Variants in PDCD6 observed in about 807,000 individuals in gnomAD.
PDCD6 encodes programmed cell death 6, also known as programmed cell death protein 6.
Under a neutral mutation model 28.3 loss-of-function variants are expected in PDCD6, and 12 were observed. That is an observed-to-expected ratio of 0.42 (90% confidence interval 0.27 to 0.69). PDCD6 has a LOEUF of 0.69. Ranked by LOEUF, PDCD6 falls within the 30% of genes least tolerant of loss-of-function variation. The pLI, the probability that PDCD6 is intolerant of heterozygous loss-of-function variation, is 0.22. For missense variants in PDCD6, 226 were observed against 269.9 expected, an observed-to-expected ratio of 0.84 and a Z score of 1.14; for synonymous variants, 92 against 108.0, an observed-to-expected ratio of 0.85 and a Z score of 0.92.
intron 2 of PDCD6, among the ~76,000 whole-genome samples, chr5:274,156 C>G (rs2864968): frequency 6.6e-6 from 1 of 152,174 alleles, no homozygotes; most frequent in Admixed American, 6.5e-5. Context: ...TGGTTTGTCA[C>G]CAGGGTGATA....
chr5:302,766 T>C (rs1335929300), intron 2 of PDCD6, among the ~76,000 whole-genome samples: 1 of 147,070 alleles, frequency 6.8e-6, no homozygotes, highest in Non-Finnish European at 1.5e-5. Flanking sequence ...GCATAACTGC[T>C]GGAGGGTGGG....
intron 5 of PDCD6, chr5:311,916 C>T (rs13157179): frequency 0.39 from 62,863 of 160,358 alleles, 13,736 homozygotes; most frequent in South Asian, 0.51. Flanking sequence ...AACTCCTGAC[C>T]TCAAGTAATC....
intron 2 of PDCD6, chr5:290,265 C>T: frequency 1.3e-6 from 2 of 1,490,818 alleles, no homozygotes; most frequent in East Asian, 4.5e-5. Context: ...GGACAAACTT[C>T]CTTTTTCCCC....
rs554676921 is a variant in PDCD6, at chr5:287,206, G to A, written c.163+14434G>A. Reference sequence around the variant, plus strand: ...TTAGGTTTTGGAGCTGGAGACCTGTGGACAAGCCAGGCTGGTGTTCTAGTT... The same window carrying A: ...TTAGGTTTTGGAGCTGGAGACCTGTAGACAAGCCAGGCTGGTGTTCTAGTT... On this transcript the variant is annotated intron_variant, in intron 2 of 5. Coordinates refer to ENST00000264933, the MANE Select transcript of PDCD6 (RefSeq NM_013232.4). Among the ~76,000 whole-genome samples, 352 of 152,258 alleles carry A rather than the reference G, an allele frequency of 2.3e-3. 3 individuals are homozygous for A. The Middle Eastern group carries it at 0.024, about 10-fold the overall frequency.
chr5:277,912 CA>C (rs529926870), intron 2 of PDCD6, among the ~76,000 whole-genome samples: 1,904 of 111,018 alleles, frequency 0.017, 34 homozygotes, highest in South Asian at 0.054. Flanking sequence ...GACTCCATCT[CA>C]AAAAAAAAAA....
At position 311,287 on chromosome 5, in the gene PDCD6, T is replaced by A; in HGVS notation, c.368-6T>A. 3 of 1,612,332 alleles carry A rather than the reference T, an allele frequency of 1.9e-6. No homozygotes were observed. The highest frequency in any genetic ancestry group is 1.7e-6 in the Non-Finnish European group (2 of 1,178,436). On this transcript the variant is annotated splice_region_variant and splice_polypyrimidine_tract_variant and intron_variant, in intron 4 of 5. Transcript: ENST00000264933. ...CCTTCTCTGACTCTGACTTTCCCTC[T>A]TGAAGGCTACCGGCTCTCTGACCAG...
At chr5:286,357 T>C (rs1156290183) in intron 2 of PDCD6, among the ~76,000 whole-genome samples, 1 of 151,532 alleles carries the variant, frequency 6.6e-6, no homozygotes, top group Non-Finnish European at 1.5e-5. Flanking sequence ...TTGAGAGCCG[T>C]GCAGCTGGAG....
intron 2 of PDCD6, among the ~76,000 whole-genome samples, chr5:303,883 T>C (rs559546573): frequency 1.3e-5 from 2 of 150,068 alleles, no homozygotes; most frequent in Non-Finnish European, 2.9e-5. Context: ...TACAGAACCA[T>C]TTCTTGGTTA....
Position 273,211 on chromosome 5 carries a change from T to C in PDCD6, c.163+439T>C, listed in dbSNP as rs4102422. 341 of 177,688 alleles carry C rather than the reference T, an allele frequency of 1.9e-3. 2 individuals are homozygous for C. Among genetic ancestry groups the C allele is most frequent in the South Asian group, 9.2e-3 (83 of 9,070 alleles). 11.0% of individuals were successfully genotyped at this position (177,688 alleles called of 1,614,324 possible). ...AGCTCAGGCAGCCCTTGTATGGGAATGTGGCTGTTACAGGAACTGCAGAAA... is the reference window on the plus strand; with the variant it reads ...AGCTCAGGCAGCCCTTGTATGGGAACGTGGCTGTTACAGGAACTGCAGAAA... On this transcript the variant is annotated intron_variant, in intron 2 of 5. Coordinates refer to ENST00000264933, the MANE Select transcript of PDCD6 (RefSeq NM_013232.4).
chr5:272,510 A>C (rs1337525960), intron 1 of PDCD6, among the ~76,000 whole-genome samples: 28 of 141,216 alleles, frequency 2.0e-4, no homozygotes, highest in Middle Eastern at 3.5e-3. Context: ...GGTGAAGATG[A>C]TTGTCCTCTT....
At position 307,403 on chromosome 5, in the gene PDCD6, C is replaced by T. The variant is rs1021540201; in HGVS notation, c.367+643C>T. On this transcript the variant is annotated intron_variant, in intron 4 of 5. Transcript: ENST00000264933. This position sits in a 1 kb window ranked among gnomAD's most constrained non-coding sequence, Gnocchi z 6.1. ...GCCTCAGAAGGGGCGTTAGGCAGAA[C>T]GCGTGCCCATTCTCAGGTGCGCTCA... Among the ~76,000 whole-genome samples the T allele has an allele frequency of 4.0e-5, 6 of 151,684 alleles. No individual in the cohort carries two copies. The highest frequency in any genetic ancestry group is 1.5e-4 in the African/African-American group (6 of 41,358).
intron 2 of PDCD6, among the ~76,000 whole-genome samples, chr5:277,895 G>GA (rs1347278894): frequency 5.0e-5 from 7 of 141,118 alleles, no homozygotes; most frequent in Non-Finnish European, 9.1e-5. Context: ...AGCCTGGGGG[G>GA]CAGTGAGACT....
At chr5:306,406 A>AC (rs1411422316) in intron 3 of PDCD6, 196 bp from the exon 4 acceptor site, 5 of 580,188 alleles carry the variant, frequency 8.6e-6, no homozygotes, top group South Asian at 5.9e-5. Flanking sequence ...AATCCCCCAC[A>AC]CCCCCACCCA....
chr5:310,810 T>G (rs35839513), intron 4 of PDCD6: 4,960 of 161,604 alleles, frequency 0.031, 133 homozygotes, highest in Non-Finnish European at 0.044. Context: ...ACTGGAAGCC[T>G]TCTGTGAAAT....
rs780232641 is a variant in PDCD6 at position 300,103 on chromosome 5, C to T, written c.164-4074C>T. Among the ~76,000 whole-genome samples the T allele has an allele frequency of 5.3e-4, 81 of 152,192 alleles. 1 individual carries two copies. Among genetic ancestry groups the T allele is most frequent in the Non-Finnish European group, 5.7e-4 (39 of 68,052 alleles). ...CTCAGCGGGTGTGGATTGCTCAAAC[C>T]CTGCACGTTCCCAGGAGGGGCCCTT... is the stretch of plus-strand genomic sequence containing the variant. On this transcript the variant is annotated intron_variant, in intron 2 of 5. Coordinates refer to ENST00000264933, the MANE Select transcript of PDCD6 (RefSeq NM_013232.4).
chr5:283,422 T>C (rs76624079), intron 2 of PDCD6, among the ~76,000 whole-genome samples: 2,642 of 124,652 alleles, frequency 0.021, no homozygotes, highest in African/African-American at 0.069. Context: ...GAGGAGCTGA[T>C]GTTCTAGTTT....
intron 2 of PDCD6, among the ~76,000 whole-genome samples, chr5:293,174 G>C (rs1023426360): frequency 2.6e-5 from 4 of 152,216 alleles, no homozygotes; most frequent in Non-Finnish European, 5.9e-5. Flanking sequence ...AGGACCCCCT[G>C]ATGGACCAGG....
chr5:271,777 C>T lies in PDCD6; in HGVS notation c.57C>T (p.Gly19=), dbSNP rs1396334713. Reference sequence around the variant, plus strand: ...GGGCCGGCCCTGGGCCTGCTGCAGGCGCGGCGCTGCCGGACCAGAGCTTCC... The same window carrying T: ...GGGCCGGCCCTGGGCCTGCTGCAGGTGCGGCGCTGCCGGACCAGAGCTTCC... ...GPGAGPGPAA[G]AALPDQSFLW... Residue 19 remains glycine, a synonymous_variant, in exon 1 of 6, where the codon GGC becomes GGT. Transcript: ENST00000264933. 1 of 1,486,506 alleles carries T rather than the reference C, an allele frequency of 6.7e-7. No homozygotes were observed. Among genetic ancestry groups the T allele is most frequent in the African/African-American group, 1.5e-5 (1 of 68,038 alleles). 92.1% of individuals were successfully genotyped at this position (1,486,506 alleles called of 1,614,324 possible).
intron 2 of PDCD6, among the ~76,000 whole-genome samples, chr5:274,409 G>T (rs988404215): frequency 1.3e-5 from 2 of 152,216 alleles, no homozygotes; most frequent in African/African-American, 4.8e-5. Flanking sequence ...GGCTCCACTG[G>T]AGTGCTTTGG....
Sources: allele counts gnomAD v4.1 joint callset (sites outside exome capture counted in the v4.1 genomes callset), GRCh38; gene constraint gnomAD v4.1.1; non-coding constraint Gnocchi (gnomAD v3.1); transcripts MANE v1.5; gene names NCBI Gene and HGNC (gene_info 2026-07-23, HGNC 2026-07-21).